Variants in ASTN2 observed in about 807,000 individuals in gnomAD.
ASTN2 encodes astrotactin 2.
In ASTN2, 54 loss-of-function variants were observed where a neutral mutation model predicts 139.8. The observed-to-expected ratio is 0.39, with a 90% CI of 0.31 to 0.48. The LOEUF (loss-of-function observed/expected upper bound fraction) is 0.48, where lower values mean the gene tolerates loss of function less well. ASTN2 is among the 20% of genes least tolerant of loss of function. The pLI, the probability that ASTN2 is intolerant of heterozygous loss-of-function variation, is 0.95. For missense variants in ASTN2, 1,565 were observed against 1,725.1 expected (o/e 0.91, Z 1.64); for synonymous variants, 756 against 719.5 (o/e 1.05, Z -0.81).
At chr9:116,821,103 T>G (rs909294663) in intron 11 of ASTN2, among the ~76,000 whole-genome samples, 11 of 152,188 alleles carry the variant, frequency 7.2e-5, no homozygotes, top group Non-Finnish European at 1.3e-4. Context: ...CTGCTAATAT[T>G]GATATTGCTG....
intron 14 of ASTN2, among the ~76,000 whole-genome samples, chr9:116,732,126 A>G (rs1410945019): frequency 1.3e-5 from 2 of 152,226 alleles, no homozygotes; most frequent in African/African-American, 4.8e-5. Context: ...AGCACAGGTC[A>G]GGGGTGATGT....
intron 20 of ASTN2, among the ~76,000 whole-genome samples, chr9:116,465,272 C>T (rs958220158): frequency 6.6e-6 from 1 of 152,198 alleles, no homozygotes; most frequent in Admixed American, 6.5e-5. Flanking sequence ...GCCCCAGCCA[C>T]CAACCGGCTC....
chr9:117,380,084 G>T (rs1162217474), intron 1 of ASTN2, among the ~76,000 whole-genome samples: 1 of 152,072 alleles, frequency 6.6e-6, no homozygotes, highest in African/African-American at 2.4e-5. Flanking sequence ...AGCAGGAGAA[G>T]GTGGGCTCTG....
intron 18 of ASTN2, 63 bp from the exon 19 acceptor site, chr9:116,618,535 T>C (rs1855967588): frequency 5.9e-6 from 9 of 1,521,138 alleles, no homozygotes; most frequent in Non-Finnish European, 7.1e-6. Flanking sequence ...CCCAAAAGAA[T>C]CCGCATGTGT....
intron 2 of ASTN2, among the ~76,000 whole-genome samples, chr9:117,217,214 C>A (rs1388982176): frequency 6.6e-6 from 1 of 152,214 alleles, no homozygotes; most frequent in Non-Finnish European, 1.5e-5. Context: ...ATGGGTGCAT[C>A]TTCTCTTCAG....
intron 7 of ASTN2, among the ~76,000 whole-genome samples, chr9:116,986,298 G>T (rs1347553241): frequency 6.6e-6 from 1 of 152,042 alleles, no homozygotes; most frequent in Non-Finnish European, 1.5e-5. Context: ...CTCTGGTCCA[G>T]ATCTTACTGC....
intron 4 of ASTN2, among the ~76,000 whole-genome samples, chr9:117,097,496 G>A (rs981703353): frequency 2.6e-5 from 4 of 152,100 alleles, no homozygotes; most frequent in African/African-American, 9.7e-5. Context: ...GGGAGAATAA[G>A]GACTTTGGTA....
At chr9:117,274,620 TA>T (rs1834142604) in intron 2 of ASTN2, among the ~76,000 whole-genome samples, 1 of 152,242 alleles carries the variant, frequency 6.6e-6, no homozygotes, top group South Asian at 2.1e-4. Flanking sequence ...ATATTGGAGA[TA>T]TGAAGAAAGG....
chr9:116,992,516 T>C (rs1312894387), intron 7 of ASTN2, among the ~76,000 whole-genome samples: 2 of 152,110 alleles, frequency 1.3e-5, no homozygotes, highest in East Asian at 3.9e-4. Context: ...CTCCTTGAAG[T>C]TTTTGCCTGA....
chr9:117,095,695 G>T (rs1270610319), intron 5 of ASTN2, among the ~76,000 whole-genome samples: 1 of 152,116 alleles, frequency 6.6e-6, no homozygotes, highest in Non-Finnish European at 1.5e-5. Context: ...GGATTATTCT[G>T]CATCAACCCA....
At chr9:117,327,667 CT>C (rs138755699) in intron 1 of ASTN2, among the ~76,000 whole-genome samples, 3,469 of 152,212 alleles carry the variant, frequency 0.023, 154 homozygotes, top group African/African-American at 0.08. Context: ...CATAAAGAAG[CT>C]TGAATAGCAG....
chr9:117,109,595 C>T (rs7039284), intron 4 of ASTN2, among the ~76,000 whole-genome samples: 6,402 of 152,096 alleles, frequency 0.042, 422 homozygotes, highest in African/African-American at 0.15. Flanking sequence ...TTTATTCTCC[C>T]TTTCTTAGTT....
chr9:117,222,518 C>T lies in ASTN2; in HGVS notation c.631-7776G>A, dbSNP rs188793527. Reference sequence around the variant, plus strand: ...GCGAAGAGAAGGCCCAGTGGATCACCAGTTCTCACCATGATGGCACTGTGG... The same window carrying T: ...GCGAAGAGAAGGCCCAGTGGATCACTAGTTCTCACCATGATGGCACTGTGG... On this transcript the variant is annotated intron_variant, in intron 2 of 22. Coordinates refer to ENST00000313400, the MANE Select transcript of ASTN2 (RefSeq NM_001365068.1). Among the ~76,000 whole-genome samples, 3 of 152,248 alleles carry T rather than the reference C, an allele frequency of 2.0e-5. No individual in the cohort carries two copies. The East Asian group carries it at 5.8e-4, about 29-fold the overall frequency.
chr9:117,308,002 T>C (rs1471551398), intron 1 of ASTN2, among the ~76,000 whole-genome samples: 2 of 152,188 alleles, frequency 1.3e-5, no homozygotes, highest in Non-Finnish European at 2.9e-5. Flanking sequence ...CTTTCTGATT[T>C]TGTTATGGGA....
intron 19 of ASTN2, among the ~76,000 whole-genome samples, chr9:116,562,944 A>C (rs1481206931): frequency 6.6e-6 from 1 of 152,106 alleles, no homozygotes; most frequent in East Asian, 1.9e-4. Context: ...AAAGACACAG[A>C]GGTGACCAAG....
chr9:116,527,537 G>C (rs529099420), intron 19 of ASTN2, among the ~76,000 whole-genome samples: 1 of 152,296 alleles, frequency 6.6e-6, no homozygotes, highest in Non-Finnish European at 1.5e-5. Flanking sequence ...GTTGGCAAAG[G>C]TGTGGAGAAA....
At chr9:117,223,286 C>T (rs1190702626) in intron 2 of ASTN2, among the ~76,000 whole-genome samples, 2 of 152,030 alleles carry the variant, frequency 1.3e-5, no homozygotes, top group Non-Finnish European at 2.9e-5. Flanking sequence ...TTGGTTGTCA[C>T]AACTTAGGGG....
intron 3 of ASTN2, among the ~76,000 whole-genome samples, chr9:117,204,093 G>GGAA (rs1429258163): frequency 6.6e-6 from 1 of 152,198 alleles, no homozygotes; most frequent in Non-Finnish European, 1.5e-5. Context: ...CACCCACTGA[G>GGAA]GAAGGATGGG....
chr9:117,396,056 A>G (rs1028431886), intron 1 of ASTN2, among the ~76,000 whole-genome samples: 2 of 152,106 alleles, frequency 1.3e-5, no homozygotes, highest in Non-Finnish European at 2.9e-5. Flanking sequence ...TAAGAAGGCC[A>G]CCCCAAAGCA....
Sources: allele counts gnomAD v4.1 joint callset (sites outside exome capture counted in the v4.1 genomes callset), GRCh38; gene constraint gnomAD v4.1.1; transcripts MANE v1.5; gene names NCBI Gene and HGNC (gene_info 2026-07-23, HGNC 2026-07-21).